Variants in ROBO1 observed in about 807,000 individuals in gnomAD.
The protein encoded by ROBO1 is roundabout guidance receptor 1.
In ROBO1, 149 loss-of-function variants were observed where a neutral mutation model predicts 195.9. The ratio of observed to expected loss-of-function variants is 0.76; its 90% CI spans 0.67 to 0.87. ROBO1 has a LOEUF of 0.87. Ranked by LOEUF, ROBO1 falls within the 40% of genes least tolerant of loss-of-function variation. The probability of loss-of-function intolerance (pLI) is 0.00; values close to 1 mark genes in which losing one functional copy is unlikely to be tolerated. For synonymous variants in ROBO1, 816 were observed against 733.2 expected, an observed-to-expected ratio of 1.11 and a Z score of -1.82; for missense variants, 1,933 against 2,068.3, an observed-to-expected ratio of 0.93 and a Z score of 1.27.
At chr3:78,725,957 AC>A (rs2082152228) in intron 5 of ROBO1, among the ~76,000 whole-genome samples, 1 of 150,660 alleles carries the variant, frequency 6.6e-6, no homozygotes. Context: ...TTCAGACATC[AC>A]CCCCACAATG....
At chr3:78,781,061 A>G (rs947781871) in intron 4 of ROBO1, among the ~76,000 whole-genome samples, 10 of 152,172 alleles carry the variant, frequency 6.6e-5, no homozygotes, top group South Asian at 4.1e-4. Context: ...GATACCTCAT[A>G]TAGTTGAACC....
chr3:78,680,021 A>G (rs909556660), intron 10 of ROBO1, among the ~76,000 whole-genome samples: 7 of 152,180 alleles, frequency 4.6e-5, no homozygotes, highest in Non-Finnish European at 7.3e-5. Context: ...CCTCAGAAAT[A>G]ACGCCGCATA....
chr3:78,646,134 AG>A lies in ROBO1; in HGVS notation c.2882+13del. 2 of 1,604,576 alleles carry A rather than the reference AG, an allele frequency of 1.2e-6. No individual in the cohort carries two copies. Among genetic ancestry groups the A allele is most frequent in the Non-Finnish European group, 1.7e-6 (2 of 1,172,918 alleles). ...AATTCCCTGTAGGATCTACAAAACAAGCAAGATAATTACCTCCCTCCACTGC... is the reference window on the plus strand; with the variant it reads ...AATTCCCTGTAGGATCTACAAAACAACAAGATAATTACCTCCCTCCACTGC... On this transcript the variant is annotated intron_variant, in intron 21 of 30. Coordinates refer to ENST00000464233, the MANE Select transcript of ROBO1 (RefSeq NM_002941.4).
intron 2 of ROBO1, among the ~76,000 whole-genome samples, chr3:79,182,570 T>TGTGTGTGTGTGTGTGC (rs779706587): frequency 1.3e-5 from 2 of 149,924 alleles, no homozygotes; most frequent in African/African-American, 5.0e-5. Flanking sequence ...TGTGTGTGTG[T>TGTGTGTGTGTGTGTGC]GCGTGCGTGC....
At chr3:79,543,468 G>A (rs1458160098) in intron 2 of ROBO1, among the ~76,000 whole-genome samples, 3 of 152,104 alleles carry the variant, frequency 2.0e-5, no homozygotes, top group Admixed American at 1.3e-4. Flanking sequence ...AAGAGATAGT[G>A]CATCACTAGA....
chr3:79,602,074 C>T (rs745555305), intron 1 of ROBO1, among the ~76,000 whole-genome samples: 19 of 151,912 alleles, frequency 1.3e-4, no homozygotes, highest in South Asian at 4.1e-4. Flanking sequence ...AGAGCAAATA[C>T]CTCTACAAAC....
chr3:79,543,791 G>A (rs561992869), intron 2 of ROBO1, among the ~76,000 whole-genome samples: 1 of 151,928 alleles, frequency 6.6e-6, no homozygotes. Context: ...TCATTGGCAG[G>A]CCCCATGAGA....
At chr3:79,729,930 C>T (rs77073520) in intron 1 of ROBO1, among the ~76,000 whole-genome samples, 1,859 of 152,250 alleles carry the variant, frequency 0.012, 33 homozygotes, top group African/African-American at 0.041. Flanking sequence ...TTTTATGGCC[C>T]ATCCCATGAT....
intron 8 of ROBO1, among the ~76,000 whole-genome samples, chr3:78,713,517 T>C (rs2108044836): frequency 6.6e-6 from 1 of 152,246 alleles, no homozygotes; most frequent in East Asian, 1.9e-4. Flanking sequence ...AAAATGTTTT[T>C]TAAAGGTCAT....
chr3:79,399,183 G>A (rs564637249), intron 2 of ROBO1, among the ~76,000 whole-genome samples: 18 of 152,222 alleles, frequency 1.2e-4, no homozygotes, highest in African/African-American at 4.1e-4. Context: ...GAAGTCATAA[G>A]TCTGTGTAGA....
At chr3:79,164,289 G>T (rs933301555) in intron 2 of ROBO1, among the ~76,000 whole-genome samples, 1 of 152,118 alleles carries the variant, frequency 6.6e-6, no homozygotes, top group South Asian at 2.1e-4. Context: ...AAAAATTAGA[G>T]TACTAATATG....
chr3:79,145,372 T>TAC (rs71127376), intron 2 of ROBO1, among the ~76,000 whole-genome samples: 119 of 72,962 alleles, frequency 1.6e-3, no homozygotes, highest in African/African-American at 5.9e-3. Context: ...CACACACACA[T>TAC]ACACACACAC....
chr3:78,799,908 T>G (rs1259566910), intron 4 of ROBO1, among the ~76,000 whole-genome samples: 2 of 151,714 alleles, frequency 1.3e-5, no homozygotes, highest in South Asian at 4.1e-4. Context: ...TTCACCCTTA[T>G]CATATTATTA....
rs147850091 is a variant in ROBO1, at chr3:79,505,728, G to A, written c.88+84096C>T. Among the ~76,000 whole-genome samples, 55 of 152,312 alleles carry A rather than the reference G, an allele frequency of 3.6e-4. No homozygotes were observed. In the East Asian group the frequency reaches 7.7e-3, roughly 21 times the overall value. ...CGTAGATTACTGTCTTGTAGGGTAGGTAATACAGGCAGACAAATAATGATA... is the reference window on the plus strand; with the variant it reads ...CGTAGATTACTGTCTTGTAGGGTAGATAATACAGGCAGACAAATAATGATA... On this transcript the variant is annotated intron_variant, in intron 2 of 30. Coordinates refer to ENST00000464233, the MANE Select transcript of ROBO1 (RefSeq NM_002941.4).
chr3:79,421,324 A>G, intron 2 of ROBO1, among the ~76,000 whole-genome samples: 1 of 152,002 alleles, frequency 6.6e-6, no homozygotes, highest in East Asian at 1.9e-4. Context: ...CCCCCATGAC[A>G]CACAACTTAT....
At chr3:79,460,239 C>T (rs185042455) in intron 2 of ROBO1, among the ~76,000 whole-genome samples, 2 of 152,246 alleles carry the variant, frequency 1.3e-5, no homozygotes, top group East Asian at 3.9e-4. Flanking sequence ...TTCCCATTTA[C>T]TGAGAGGCAT....
At chr3:79,443,194 A>C (rs991877305) in intron 2 of ROBO1, among the ~76,000 whole-genome samples, 3 of 152,200 alleles carry the variant, frequency 2.0e-5, no homozygotes, top group Non-Finnish European at 2.9e-5. Flanking sequence ...GAGAAAAATT[A>C]TGTACCTTAA....
chr3:79,575,212 T>TATAAATATATATATAAC (rs1473391811), intron 2 of ROBO1, among the ~76,000 whole-genome samples: 1 of 55,276 alleles, frequency 1.8e-5, no homozygotes, highest in Non-Finnish European at 3.5e-5. Flanking sequence ...ATATAACAGA[T>TATAAATATATATATAAC]ATATATATAT....
At chr3:78,667,761 G>A in intron 14 of ROBO1, 122 bp downstream of exon 14, 1 of 949,282 alleles carries the variant, frequency 1.1e-6, no homozygotes, top group Non-Finnish European at 1.5e-6. Context: ...TAAGCAACTT[G>A]GGCAACTTGA....
Sources: gnomAD v4.1 joint callset for allele counts (sites outside exome capture counted in the v4.1 genomes callset) on GRCh38, gnomAD v4.1.1 for gene constraint, MANE v1.5 for transcripts, NCBI Gene and HGNC (gene_info 2026-07-23, HGNC 2026-07-21) for gene names.